Variants in BACH2 observed in about 807,000 individuals in gnomAD.
BACH2 encodes the protein BACH transcriptional regulator 2, also known as transcription regulator protein BACH2.
BACH2 carries 5 observed loss-of-function variants against 61.8 expected under a neutral mutation model. That is an observed-to-expected ratio of 0.08 (90% confidence interval 0.04 to 0.17). The LOEUF (loss-of-function observed/expected upper bound fraction) is 0.17. Among genes scored for constraint, BACH2 ranks in the 10% least tolerant of loss-of-function variants. The probability of loss-of-function intolerance (pLI) is 1.00; values close to 1 mark genes in which losing one functional copy is unlikely to be tolerated. For missense variants in BACH2, 824 were observed against 1,091.1 expected, an observed-to-expected ratio of 0.76 and a Z score of 3.45; for synonymous variants, 446 against 440.1, an observed-to-expected ratio of 1.01 and a Z score of -0.17.
intron 1 of BACH2, among the ~76,000 whole-genome samples, chr6:90,286,258 C>A (rs1772013167): frequency 6.6e-6 from 1 of 152,204 alleles, no homozygotes; most frequent in Non-Finnish European, 1.5e-5. Flanking sequence ...CCCACAATAT[C>A]AACACGCTTA....
intron 7 of BACH2, among the ~76,000 whole-genome samples, chr6:89,948,354 G>C (rs1465031136): frequency 1.3e-5 from 2 of 151,960 alleles, no homozygotes; most frequent in Admixed American, 1.3e-4. Flanking sequence ...CTACTGGCAC[G>C]AGCCACCACG....
intron 5 of BACH2, among the ~76,000 whole-genome samples, chr6:90,030,334 T>C (rs1025874825): frequency 1.3e-5 from 2 of 151,824 alleles, no homozygotes; most frequent in Non-Finnish European, 2.9e-5. Context: ...GCCCTGGGAG[T>C]AGACGTGGCT....
intron 4 of BACH2, among the ~76,000 whole-genome samples, chr6:90,141,710 T>A (rs1256494681): frequency 2.6e-5 from 4 of 152,206 alleles, no homozygotes; most frequent in Non-Finnish European, 4.4e-5. Flanking sequence ...TTTAGTTGTA[T>A]ATACATACTT....
chr6:90,248,568 C>CA (rs1269432188), intron 3 of BACH2, among the ~76,000 whole-genome samples: 1 of 152,088 alleles, frequency 6.6e-6, no homozygotes, highest in African/African-American at 2.4e-5. Flanking sequence ...GAAGGCTTCT[C>CA]AGAGGATGTG....
intron 4 of BACH2, among the ~76,000 whole-genome samples, chr6:90,148,535 TAAGCCATG>T (rs146688977): frequency 0.036 from 5,506 of 152,234 alleles, 144 homozygotes; most frequent in East Asian, 0.073. Flanking sequence ...TGTCCAGTAA[TAAGCCATG>T]AAGCATTCAT....
At chr6:90,030,092 G>C (rs1417686591) in intron 5 of BACH2, among the ~76,000 whole-genome samples, 1 of 152,178 alleles carries the variant, frequency 6.6e-6, no homozygotes, top group Non-Finnish European at 1.5e-5. Context: ...TCCTTGCAGA[G>C]TAGAATTAGG....
intron 5 of BACH2, among the ~76,000 whole-genome samples, chr6:90,069,438 C>T (rs1781120191): frequency 6.6e-6 from 1 of 152,184 alleles, no homozygotes; most frequent in Non-Finnish European, 1.5e-5. Flanking sequence ...ACGTATTTAG[C>T]AATTTGCTAT....
At chr6:90,054,851 C>G (rs1400973130) in intron 5 of BACH2, among the ~76,000 whole-genome samples, 1 of 152,170 alleles carries the variant, frequency 6.6e-6, no homozygotes, top group Non-Finnish European at 1.5e-5. Context: ...CTGCTGATAC[C>G]CAGGCAAACA....
intron 5 of BACH2, among the ~76,000 whole-genome samples, chr6:90,027,102 C>T (rs137884029): frequency 4.2e-4 from 64 of 152,192 alleles, no homozygotes; most frequent in African/African-American, 1.4e-3. Context: ...AGGCTAAGAC[C>T]ACTGGTTGGC....
At chr6:90,009,221 G>A (rs1441459254) in intron 5 of BACH2, among the ~76,000 whole-genome samples, 1 of 152,212 alleles carries the variant, frequency 6.6e-6, no homozygotes, top group Non-Finnish European at 1.5e-5. Context: ...AATTTCACAT[G>A]TAAATAGCCT....
chr6:90,076,777 A>G (rs916411905), intron 5 of BACH2, among the ~76,000 whole-genome samples: 2 of 152,104 alleles, frequency 1.3e-5, no homozygotes, highest in Admixed American at 6.5e-5. Flanking sequence ...AGAGCATGCA[A>G]TTTCACCTTC....
chr6:90,140,876 C>A (rs774208391), intron 4 of BACH2, among the ~76,000 whole-genome samples: 5 of 152,178 alleles, frequency 3.3e-5, no homozygotes, highest in Non-Finnish European at 5.9e-5. Flanking sequence ...TCTGCAAGTT[C>A]CTGACTCAGC....
At chr6:89,965,114 T>G (rs1013308807) in intron 6 of BACH2, among the ~76,000 whole-genome samples, 1 of 152,194 alleles carries the variant, frequency 6.6e-6, no homozygotes, top group Admixed American at 6.5e-5. Flanking sequence ...CTCGAACTCC[T>G]GACCTCAAGT....
intron 4 of BACH2, among the ~76,000 whole-genome samples, chr6:90,144,989 T>C (rs903075435): frequency 8.5e-5 from 13 of 152,188 alleles, no homozygotes; most frequent in South Asian, 2.1e-4. Context: ...AAAAAGGATA[T>C]AGTTCCCAGA....
chr6:90,220,882 T>C (rs1769714421), intron 3 of BACH2, among the ~76,000 whole-genome samples: 1 of 152,216 alleles, frequency 6.6e-6, no homozygotes, highest in Admixed American at 6.5e-5. Flanking sequence ...TGCAGAATCA[T>C]TTTATTACAG....
At chr6:90,023,458 T>C (rs1182624056) in intron 5 of BACH2, among the ~76,000 whole-genome samples, 1 of 152,154 alleles carries the variant, frequency 6.6e-6, no homozygotes, top group African/African-American at 2.4e-5. Flanking sequence ...TGCCTTCCAC[T>C]GTGATTGTAA....
rs947260067 is a variant in BACH2 at position 90,058,248 on chromosome 6, T to C, written c.-13+30713A>G. ...CCCACTGTCTCAGCACAAAATCTCCTTAAGCTGATAAGCAACTTCAGCAAA... is the reference window on the plus strand; with the variant it reads ...CCCACTGTCTCAGCACAAAATCTCCCTAAGCTGATAAGCAACTTCAGCAAA... On this transcript the variant is annotated intron_variant, in intron 5 of 8. Transcript: ENST00000257749. Among the ~76,000 whole-genome samples the C allele has an allele frequency of 2.0e-4, 30 of 152,194 alleles. 1 individual carries two copies. Among genetic ancestry groups the C allele is most frequent in the African/African-American group, 6.8e-4 (28 of 41,450 alleles).
In BACH2 at chr6:90,133,733, T is replaced by G. The variant is rs528882940; in HGVS notation, c.-161-44624A>C. On this transcript the variant is annotated intron_variant, in intron 4 of 8. Coordinates refer to ENST00000257749, the MANE Select transcript of BACH2 (RefSeq NM_021813.4). ...CAGGCCCCAGTGTGTGATGTTCCCC[T>G]TCCTGTGTCCAAGTGTTCTCATTGT... Among the ~76,000 whole-genome samples, 173 of 152,222 alleles carry G rather than the reference T, an allele frequency of 1.1e-3. 1 individual carries two copies. Among genetic ancestry groups the G allele is most frequent in the East Asian group, 1.5e-3 (8 of 5,168 alleles).
intron 5 of BACH2, among the ~76,000 whole-genome samples, chr6:90,050,362 C>T (rs1388473057): frequency 1.3e-5 from 2 of 152,170 alleles, no homozygotes; most frequent in African/African-American, 4.8e-5. Context: ...GAAGTTACCA[C>T]TTGTCAAATT....
Sources: allele counts gnomAD v4.1 joint callset (sites outside exome capture counted in the v4.1 genomes callset), GRCh38; gene constraint gnomAD v4.1.1; transcripts MANE v1.5; gene names NCBI Gene and HGNC (gene_info 2026-07-23, HGNC 2026-07-21).